The following SCARA5 variants were observed in gnomAD, a reference collection of about 807,000 sequenced individuals.
SCARA5 encodes scavenger receptor class A, member 5 (putative).
A neutral mutation model predicts 46.3 loss-of-function variants in SCARA5; 45 were observed. The observed-to-expected ratio is 0.97, with a 90% CI of 0.76 to 1.24. The LOEUF (loss-of-function observed/expected upper bound fraction) is 1.24, where lower values mean the gene tolerates loss of function less well. Among genes scored for constraint, SCARA5 ranks in the 50% most tolerant of loss-of-function variants. The pLI, the probability that SCARA5 is intolerant of heterozygous loss-of-function variation, is 0.00. For missense variants in SCARA5, 680 were observed against 689.0 expected (o/e 0.99, Z 0.15); for synonymous variants, 333 against 306.5 (o/e 1.09, Z -0.90).
intron 7 of SCARA5, among the ~76,000 whole-genome samples, chr8:27,902,032 TC>T (rs1490478467): frequency 2.0e-5 from 3 of 150,708 alleles, no homozygotes; most frequent in African/African-American, 7.3e-5. Flanking sequence ...GTGTAGAGCT[TC>T]CTGTTCATGG....
chr8:27,871,807 G>T lies in SCARA5; in HGVS notation c.*127C>A. Reference sequence around the variant, plus strand: ...GCCCCCACGGTCCTGGGATGCAGGTGTGAGGACTGAGAATGCTGGACGGGG... The same window carrying T: ...GCCCCCACGGTCCTGGGATGCAGGTTTGAGGACTGAGAATGCTGGACGGGG... On this transcript the variant is annotated 3_prime_UTR_variant, in exon 9 of 9. Coordinates refer to ENST00000354914, the MANE Select transcript of SCARA5 (RefSeq NM_173833.6). The T allele has an allele frequency of 2.6e-6, 4 of 1,545,556 alleles. No homozygotes were observed. Among genetic ancestry groups the T allele is most frequent in the Non-Finnish European group, 2.6e-6 (3 of 1,147,136 alleles).
chr8:27,978,899 T>G (rs1446886550), intron 2 of SCARA5, among the ~76,000 whole-genome samples: 1 of 151,880 alleles, frequency 6.6e-6, no homozygotes, highest in African/African-American at 2.4e-5. Flanking sequence ...TTCCACCCTC[T>G]TACACCCTCC....
intron 3 of SCARA5, among the ~76,000 whole-genome samples, chr8:27,955,461 A>G (rs540043246): frequency 3.3e-5 from 5 of 152,316 alleles, no homozygotes; most frequent in African/African-American, 1.2e-4. Context: ...GCACAGAGGA[A>G]GGCCACACAG....
intron 3 of SCARA5, among the ~76,000 whole-genome samples, chr8:27,959,399 A>C (rs1247139019): frequency 6.6e-6 from 1 of 152,172 alleles, no homozygotes; most frequent in Non-Finnish European, 1.5e-5. Flanking sequence ...TATTCTGTTG[A>C]GACATTCAAT....
chr8:27,886,469 T>C (rs1452407590), intron 7 of SCARA5, among the ~76,000 whole-genome samples: 1 of 152,220 alleles, frequency 6.6e-6, no homozygotes, highest in Non-Finnish European at 1.5e-5. Context: ...AACCACAGGC[T>C]GAGGTCTGAC....
At chr8:27,892,799 G>A (rs569602258) in intron 7 of SCARA5, among the ~76,000 whole-genome samples, 143 of 152,122 alleles carry the variant, frequency 9.4e-4, no homozygotes, top group African/African-American at 3.3e-3. Context: ...GTAGAGATGG[G>A]GTTTCACCGT....
chr8:27,872,867 C>G (rs1192407522), intron 8 of SCARA5, among the ~76,000 whole-genome samples: 1 of 152,192 alleles, frequency 6.6e-6, no homozygotes, highest in African/African-American at 2.4e-5. Context: ...TGGTGTTTCA[C>G]CAGGGGGTTC....
intron 3 of SCARA5, among the ~76,000 whole-genome samples, chr8:27,937,708 G>A (rs896948306): frequency 2.0e-4 from 30 of 152,120 alleles, no homozygotes; most frequent in South Asian, 8.3e-4. Context: ...AGCTCCAGGG[G>A]TTGGCAGGGC....
chr8:27,886,763 C>A lies in SCARA5; in HGVS notation c.1154-6997G>T, dbSNP rs1034337279. 2.0e-5 allele frequency among the ~76,000 whole-genome samples: 3 copies of A among 152,176 alleles called. 1 individual carries two copies. The highest frequency in any genetic ancestry group is 7.2e-5 in the African/African-American group (3 of 41,436). On this transcript the variant is annotated intron_variant, in intron 7 of 8. Transcript: ENST00000354914. ...TGCTTTTTCCCGGCAGTTTCTGCCCCAGGTCAAAGCTTTCCCACCAAGCCA... is the reference window on the plus strand; with the variant it reads ...TGCTTTTTCCCGGCAGTTTCTGCCCAAGGTCAAAGCTTTCCCACCAAGCCA...
intron 8 of SCARA5, among the ~76,000 whole-genome samples, chr8:27,875,847 A>T (rs550390152): frequency 4.6e-5 from 7 of 152,258 alleles, no homozygotes; most frequent in Admixed American, 3.3e-4. Flanking sequence ...AATAAAATGA[A>T]ATAATTAGCT....
At chr8:27,940,375 A>G (rs1193106262) in intron 3 of SCARA5, among the ~76,000 whole-genome samples, 2 of 152,208 alleles carry the variant, frequency 1.3e-5, no homozygotes, top group African/African-American at 2.4e-5. Context: ...AGGTGGACTC[A>G]CAGTGCAGTA....
intron 2 of SCARA5, among the ~76,000 whole-genome samples, chr8:27,970,975 C>A (rs1354289118): frequency 1.3e-5 from 2 of 152,126 alleles, no homozygotes; most frequent in Admixed American, 1.3e-4. Context: ...TCTTATGCGG[C>A]AATAGATAAC....
chr8:27,907,572 C>CTTTTTTTTTTTTTTTTTTTTTTTT (rs144977060), intron 5 of SCARA5, among the ~76,000 whole-genome samples: 8 of 97,276 alleles, frequency 8.2e-5, no homozygotes, highest in East Asian at 3.9e-4. Context: ...TCAGCAAACA[C>CTTTTTTTTTTTTTTTTTTTTTTTT]TTTTTTTTTT....
chr8:27,902,422 C>T (rs1807171229), intron 7 of SCARA5, among the ~76,000 whole-genome samples: 1 of 152,140 alleles, frequency 6.6e-6, no homozygotes, highest in East Asian at 1.9e-4. Context: ...CAGTACAGAG[C>T]CCACCAGCCT....
intron 3 of SCARA5, among the ~76,000 whole-genome samples, chr8:27,930,894 G>A (rs1227737812): frequency 2.0e-5 from 3 of 152,172 alleles, no homozygotes; most frequent in Non-Finnish European, 2.9e-5. Context: ...AGGAAGGTGA[G>A]TATCAGACTT....
intron 7 of SCARA5, among the ~76,000 whole-genome samples, chr8:27,895,160 C>T (rs547208129): frequency 6.6e-6 from 1 of 152,322 alleles, no homozygotes; most frequent in Non-Finnish European, 1.5e-5. Context: ...TAGAAATAAA[C>T]ACATGGGGCT....
intron 4 of SCARA5, among the ~76,000 whole-genome samples, chr8:27,918,410 C>A (rs1394719008): frequency 6.6e-6 from 1 of 151,938 alleles, no homozygotes; most frequent in Non-Finnish European, 1.5e-5. Context: ...TACTTTCACT[C>A]TGATAAATGC....
chr8:27,968,672 T>C (rs1489054582), intron 2 of SCARA5, among the ~76,000 whole-genome samples: 1 of 152,190 alleles, frequency 6.6e-6, no homozygotes, highest in African/African-American at 2.4e-5. Flanking sequence ...TAGTTTCAGC[T>C]CTCCTGCTCT....
At chr8:27,913,487 T>C (rs1025849173) in intron 4 of SCARA5, among the ~76,000 whole-genome samples, 3 of 152,262 alleles carry the variant, frequency 2.0e-5, no homozygotes, top group Non-Finnish European at 4.4e-5. Flanking sequence ...ATCTTGAGCC[T>C]GCTCTGATTC....
Sources: gnomAD v4.1 joint callset for allele counts (sites outside exome capture counted in the v4.1 genomes callset) on GRCh38, gnomAD v4.1.1 for gene constraint, MANE v1.5 for transcripts, NCBI Gene and HGNC (gene_info 2026-07-23, HGNC 2026-07-21) for gene names.